Variants in SHANK1 observed in about 807,000 individuals in gnomAD.
SHANK1 encodes SH3 and multiple ankyrin repeat domains 1.
A neutral mutation model predicts 165.6 loss-of-function variants in SHANK1; 35 were observed. The observed-to-expected ratio is 0.21, with a 90% CI of 0.16 to 0.28. The LOEUF (loss-of-function observed/expected upper bound fraction) is 0.28. SHANK1 is among the 10% of genes least tolerant of loss of function. The pLI is 1.00. For missense variants in SHANK1, 2,681 were observed against 3,036.4 expected (o/e 0.88, Z 2.75); for synonymous variants, 1,428 against 1,384.8 (o/e 1.03, Z -0.69).
At chr19:50,679,423 G>T (rs1449912535) in intron 21 of SHANK1, among the ~76,000 whole-genome samples, 2 of 152,080 alleles carry the variant, frequency 1.3e-5, no homozygotes, top group African/African-American at 4.8e-5. Context: ...TGACAGGAGA[G>T]ATGTCAGACT....
chr19:50,712,387 C>T (rs374601425), intron 6 of SHANK1, among the ~76,000 whole-genome samples: 70 of 152,300 alleles, frequency 4.6e-4, no homozygotes, highest in African/African-American at 1.5e-3. Context: ...CCCCTGGGGG[C>T]GATCTTGGAT....
chr19:50,695,015 C>T (rs1252109323), intron 15 of SHANK1, among the ~76,000 whole-genome samples: 1 of 148,588 alleles, frequency 6.7e-6, no homozygotes, highest in Non-Finnish European at 1.5e-5. Context: ...CCGAGACCCC[C>T]GCCGCCGACC....
rs2089098756 is a variant in SHANK1 at position 50,718,811 on chromosome 19, G to A, written c.-44+595C>T. On this transcript the variant is annotated intron_variant, in intron 1 of 23. Coordinates refer to ENST00000293441, the MANE Select transcript of SHANK1 (RefSeq NM_016148.5). This position sits in a 1 kb window ranked among gnomAD's most constrained non-coding sequence, Gnocchi z 5.1. The stretch of plus-strand genomic sequence containing the variant: ...TGGGGGAGAACCCGGCCGGGGAGAG[G>A]GGCGGGGGGCACCGGGGAGCAGGAG... Among the ~76,000 whole-genome samples, 1 of 150,520 alleles carries A rather than the reference G, an allele frequency of 6.6e-6. No individual in the cohort carries two copies. The highest frequency in any genetic ancestry group is 6.6e-5 in the Admixed American group (1 of 15,166).
In SHANK1 at chr19:50,666,384, T is replaced by A. The variant is rs1365351220; in HGVS notation, c.5576A>T (p.Gln1859Leu). The A allele has an allele frequency of 3.1e-6, 5 of 1,613,494 alleles. No individual in the cohort carries two copies. Among genetic ancestry groups the A allele is most frequent in the Non-Finnish European group, 4.2e-6 (5 of 1,179,824 alleles). ...TTTTACTGTGGCCAAGGCTGAGGCC[T>A]GAGGCTGGGCCAAGGGCCCGGGCAG... ...PPLPGPLAQP[Q>L]ASALATVKAS... The change falls in exon 23 of 24, where the codon CAG (glutamine) becomes CTG (leucine). Residue 1859 changes from glutamine (Q) to leucine (L), a missense_variant. By Grantham distance (113) the Gln-to-Leu change is moderately radical. Coordinates refer to ENST00000293441, the MANE Select transcript of SHANK1 (RefSeq NM_016148.5).
chr19:50,674,518 C>T (rs977899316), intron 21 of SHANK1, among the ~76,000 whole-genome samples: 1 of 152,170 alleles, frequency 6.6e-6, no homozygotes, highest in South Asian at 2.1e-4. Context: ...CTGCATGGAG[C>T]ATCCTTTCCC....
At position 50,661,874 on chromosome 19, in the gene SHANK1, C is replaced by T. The variant is rs1014878004; in HGVS notation, c.*91G>A. The T allele has an allele frequency of 2.7e-5, 39 of 1,438,504 alleles. No individual in the cohort carries two copies. The highest frequency in any genetic ancestry group is 3.6e-5 in the Non-Finnish European group (37 of 1,036,736). The allele number at this position is 1,438,504 out of a possible 1,614,324, so 89.1% of individuals were successfully genotyped here. On this transcript the variant is annotated 3_prime_UTR_variant, in exon 24 of 24. Coordinates refer to ENST00000293441, the MANE Select transcript of SHANK1 (RefSeq NM_016148.5). ...GCGCAGTTTGAACAGAGTCCCTGGC[C>T]CGGGGAGAGAATGACAGTCAGGGGT...
chr19:50,711,397 G>A lies in SHANK1; in HGVS notation c.1051C>T (p.Leu351=), dbSNP rs777520763. Residue 351 remains leucine, a synonymous_variant, in exon 8 of 24, where the codon CTG becomes TTG. Transcript: ENST00000293441. Reference sequence around the variant, plus strand: ...TTGTTGTAGAGGGCGCAGATGTGCAGAGCCGTGTTCCCCGAGGCGTTCTGG... The same window carrying A: ...TTGTTGTAGAGGGCGCAGATGTGCAAAGCCGTGTTCCCCGAGGCGTTCTGG... ...GAQNASGNTA[L]HICALYNKET... The A allele has an allele frequency of 6.4e-7, 1 of 1,557,944 alleles. No individual in the cohort carries two copies.
intron 21 of SHANK1, among the ~76,000 whole-genome samples, chr19:50,685,639 G>C (rs961320189): frequency 6.6e-6 from 1 of 152,098 alleles, no homozygotes; most frequent in Non-Finnish European, 1.5e-5. Context: ...CAGGAGAATC[G>C]CTTGAACCCG....
Position 50,670,529 on chromosome 19 carries a change from G to C in SHANK1, c.2675-1244C>G, listed in dbSNP as rs1187328572. On this transcript the variant is annotated intron_variant, in intron 22 of 23. Coordinates refer to ENST00000293441, the MANE Select transcript of SHANK1 (RefSeq NM_016148.5). This position sits in a 1 kb window ranked among gnomAD's most constrained non-coding sequence, Gnocchi z 4.1. ...AGCTCATGTCCCTCCTCTGCTTAGA[G>C]CCCTGCCATTCACTCACCTCACTCA... is the stretch of plus-strand genomic sequence containing the variant. 6.6e-6 allele frequency among the ~76,000 whole-genome samples: 1 copy of C among 152,116 alleles called. No individual in the cohort carries two copies. Among genetic ancestry groups the C allele is most frequent in the Non-Finnish European group, 1.5e-5 (1 of 68,040 alleles).
chr19:50,703,446 G>A (rs2088894947), intron 11 of SHANK1, 54 bp downstream of exon 11: 1 of 1,453,752 alleles, frequency 6.9e-7, no homozygotes, highest in African/African-American at 1.4e-5. Flanking sequence ...CCGCCGATCT[G>A]GAGAGGGGAT....
chr19:50,684,959 A>G (rs975676881), intron 21 of SHANK1, among the ~76,000 whole-genome samples: 2 of 152,222 alleles, frequency 1.3e-5, no homozygotes, highest in Admixed American at 1.3e-4. Context: ...CATGTTATGC[A>G]TTTATAAGCA....
Position 50,666,674 on chromosome 19 carries a change from T to A in SHANK1, c.5286A>T (p.Leu1762=). 6.3e-7 allele frequency: 1 copy of A among 1,586,374 alleles called. No individual in the cohort carries two copies. The highest frequency in any genetic ancestry group is 1.1e-5 in the South Asian group (1 of 87,598). Residue 1762 remains leucine (L), a synonymous_variant, in exon 23 of 24, where the codon CTA becomes CTT. Transcript: ENST00000293441. ...CAGGCCGCAGGCCTCCGCTGGCTCC[T>A]AGCGCCCGGCCCCGGAGCTTAGAGG... is the stretch of plus-strand genomic sequence containing the variant. ...MTPSKLRGRA[L]GASGGLRPGP... is the part of the protein sequence containing the mutation.
intron 15 of SHANK1, among the ~76,000 whole-genome samples, chr19:50,696,418 C>G (rs1986744174): frequency 2.0e-5 from 3 of 152,058 alleles, no homozygotes; most frequent in South Asian, 2.1e-4. Context: ...TCTGTCCCCC[C>G]CATCCCCGAC....
intron 15 of SHANK1, among the ~76,000 whole-genome samples, chr19:50,691,526 T>C (rs554729972): frequency 1.3e-5 from 2 of 152,204 alleles, no homozygotes; most frequent in South Asian, 4.2e-4. Flanking sequence ...TCAGCCAATA[T>C]AGTCAATAAA....
intron 12 of SHANK1, among the ~76,000 whole-genome samples, chr19:50,698,641 C>T (rs1246760718): frequency 6.6e-6 from 1 of 152,098 alleles, no homozygotes; most frequent in East Asian, 1.9e-4. Flanking sequence ...CTCACCTGGG[C>T]CAGAACCCTA....
At chr19:50,712,179 C>T (rs1260301670) in intron 6 of SHANK1, 65 bp from the exon 7 acceptor site, 9 of 1,505,754 alleles carry the variant, frequency 6.0e-6, no homozygotes, top group Non-Finnish European at 8.0e-6. Flanking sequence ...CCAGCTCATT[C>T]TGAAGGGCCA....
intron 1 of SHANK1, 108 bp downstream of exon 1, chr19:50,719,298 C>G (rs1330007267): frequency 6.6e-6 from 1 of 152,108 alleles, no homozygotes; most frequent in African/African-American, 2.4e-5. Flanking sequence ...GCCGCACACC[C>G]AGGCCAGGAG....
At position 50,713,979 on chromosome 19, in the gene SHANK1, A is replaced by G; in HGVS notation, c.641-30T>C. The G allele has an allele frequency of 6.2e-7, 1 of 1,612,252 alleles. No individual in the cohort carries two copies. Among genetic ancestry groups the G allele is most frequent in the South Asian group, 1.1e-5 (1 of 90,956 alleles). On this transcript the variant is annotated intron_variant, in intron 5 of 23. Coordinates refer to ENST00000293441, the MANE Select transcript of SHANK1 (RefSeq NM_016148.5). The surrounding 1 kb of genome is among the most constrained non-coding windows in gnomAD (Gnocchi z 6.2). ...AGGGCGGGAAAAGCTGGTCACATGA[A>G]GCCCCTTCTCCTCCCCTCCATCCCT...
chr19:50,687,577 C>T lies in SHANK1; in HGVS notation c.2389+5G>A. ...CCCCTGGCCTCAGCAGCCCCGCAGGCTCACCCATCTCCTCCAGCTCTGAGG... is the reference window on the plus strand; with the variant it reads ...CCCCTGGCCTCAGCAGCCCCGCAGGTTCACCCATCTCCTCCAGCTCTGAGG... On this transcript the variant is annotated splice_donor_5th_base_variant and intron_variant, in intron 19 of 23. Transcript: ENST00000293441. 2 of 1,547,572 alleles carry T rather than the reference C, an allele frequency of 1.3e-6. No individual in the cohort carries two copies. The highest frequency in any genetic ancestry group is 1.7e-6 in the Non-Finnish European group (2 of 1,145,246).
Sources: allele counts gnomAD v4.1 joint callset (sites outside exome capture counted in the v4.1 genomes callset), GRCh38; gene constraint gnomAD v4.1.1; non-coding constraint Gnocchi (gnomAD v3.1); transcripts MANE v1.5; gene names NCBI Gene and HGNC (gene_info 2026-07-23, HGNC 2026-07-21).